Variants in MAP4 observed in about 807,000 individuals in gnomAD.
The protein encoded by MAP4 is microtubule associated protein 4, also known as microtubule-associated protein 4.
A neutral mutation model predicts 170.2 loss-of-function variants in MAP4; 76 were observed. The ratio of observed to expected loss-of-function variants is 0.45; its 90% CI spans 0.37 to 0.54. The LOEUF is 0.54. MAP4 is among the 20% of genes least tolerant of loss of function. The probability of loss-of-function intolerance (pLI) is 0.00; values close to 1 mark genes in which losing one functional copy is unlikely to be tolerated. For missense variants in MAP4, 2,506 were observed against 2,748.0 expected, an observed-to-expected ratio of 0.91 and a Z score of 1.97; for synonymous variants, 909 against 994.5, an observed-to-expected ratio of 0.91 and a Z score of 1.62.
Position 47,916,117 on chromosome 3 carries a change from C to T in MAP4, c.1710G>A (p.Val570=). ...GTGGTGGAACATCTTTGGCTGGAGT[C>T]ACATTGTTGGCCAGGGTCAGAACCC... ...KDGVLTLANN[V]TPAKDVPPLS... The change falls in exon 7 of 21, where the codon GTG becomes GTA. Residue 570 remains valine, a synonymous_variant. Transcript: ENST00000683076. 1 of 1,614,164 alleles carries T rather than the reference C, an allele frequency of 6.2e-7. No individual in the cohort carries two copies. The highest frequency in any genetic ancestry group is 8.5e-7 in the Non-Finnish European group (1 of 1,180,036).
intron 1 of MAP4, among the ~76,000 whole-genome samples, chr3:48,035,944 T>C (rs1433520897): frequency 6.6e-6 from 1 of 151,464 alleles, no homozygotes; most frequent in African/African-American, 2.4e-5. Flanking sequence ...CATCCCCCCC[T>C]CTCAAAAAAA....
intron 1 of MAP4, among the ~76,000 whole-genome samples, chr3:48,010,299 A>G (rs2100104566): frequency 6.6e-6 from 1 of 152,332 alleles, no homozygotes. Context: ...CAGCTGCAGA[A>G]ATGAGGACTG....
chr3:47,974,664 T>A, intron 3 of MAP4: 1 of 949,852 alleles, frequency 1.1e-6, no homozygotes, highest in South Asian at 4.9e-5. Context: ...ACAGTACTAA[T>A]CTCAACTGGT....
intron 10 of MAP4, among the ~76,000 whole-genome samples, chr3:47,888,465 C>T (rs777017): frequency 0.25 from 37,731 of 151,774 alleles, 5,159 homozygotes; most frequent in South Asian, 0.33. Flanking sequence ...ACGAACAACT[C>T]CAGACGCGCT....
At chr3:48,053,902 G>A (rs985008577) in intron 1 of MAP4, among the ~76,000 whole-genome samples, 1 of 152,156 alleles carries the variant, frequency 6.6e-6, no homozygotes, top group Non-Finnish European at 1.5e-5. Context: ...CACAGGAAAT[G>A]TCTAGAAGAA....
At chr3:47,937,615 C>A (rs542393403) in intron 3 of MAP4, among the ~76,000 whole-genome samples, 1 of 151,052 alleles carries the variant, frequency 6.6e-6, no homozygotes, top group South Asian at 2.1e-4. Context: ...AATCTCAGAA[C>A]CTTTGGCTAC....
intron 10 of MAP4, among the ~76,000 whole-genome samples, chr3:47,883,752 C>G (rs2097158108): frequency 6.6e-6 from 1 of 151,914 alleles, no homozygotes; most frequent in African/African-American, 2.4e-5. Flanking sequence ...GTTGACAGTT[C>G]TTTTCTTTTG....
intron 17 of MAP4, among the ~76,000 whole-genome samples, chr3:47,857,715 T>C (rs548921209): frequency 1.4e-5 from 2 of 147,122 alleles, no homozygotes; most frequent in African/African-American, 4.9e-5. Context: ...TTCACTTCCT[T>C]TTTTTTTTTT....
At chr3:47,893,046 C>A (rs1025358270) in intron 10 of MAP4, among the ~76,000 whole-genome samples, 5 of 148,502 alleles carry the variant, frequency 3.4e-5, no homozygotes, top group Non-Finnish European at 7.5e-5. Flanking sequence ...AAAAAAAAAC[C>A]ACACCTTAAC....
At position 47,851,507 on chromosome 3, in the gene MAP4, A is replaced by G. The variant is rs994069578; in HGVS notation, c.*1427T>C. On this transcript the variant is annotated 3_prime_UTR_variant, in exon 21 of 21. Coordinates refer to ENST00000683076, the MANE Select transcript of MAP4 (RefSeq NM_001385682.1). ...CAGAGGCAAATCTACACTGCAGCCA[A>G]TCCCCCTCCAGAGAAGCCCTTGGAA... is the stretch of plus-strand genomic sequence containing the variant. 2 of 152,372 alleles carry G rather than the reference A, an allele frequency of 1.3e-5. No individual in the cohort carries two copies. The highest frequency in any genetic ancestry group is 3.9e-4 in the East Asian group (2 of 5,190). 9.4% of individuals were successfully genotyped at this position (152,372 alleles called of 1,614,324 possible).
chr3:48,030,412 G>A (rs1406489044), intron 1 of MAP4, among the ~76,000 whole-genome samples: 1 of 151,406 alleles, frequency 6.6e-6, no homozygotes, highest in Non-Finnish European at 1.5e-5. Flanking sequence ...TTCTAGGACT[G>A]AGAACAAAAT....
chr3:48,002,059 A>T (rs1416694374), intron 1 of MAP4, among the ~76,000 whole-genome samples: 1 of 151,870 alleles, frequency 6.6e-6, no homozygotes, highest in Non-Finnish European at 1.5e-5. Flanking sequence ...TGTGACCCAG[A>T]TGTGGTGGCA....
intron 10 of MAP4, among the ~76,000 whole-genome samples, chr3:47,886,158 G>A (rs143269242): frequency 1.5e-3 from 236 of 152,274 alleles, no homozygotes; most frequent in Non-Finnish European, 2.6e-3. Flanking sequence ...TCATAAAGTC[G>A]CATTGTCTAT....
rs988749681 is a variant in MAP4 at position 47,901,075 on chromosome 3, G to C, written c.5434+1875C>G. 2.0e-5 allele frequency among the ~76,000 whole-genome samples: 3 copies of C among 152,096 alleles called. No individual in the cohort carries two copies. In the South Asian group the frequency reaches 6.2e-4, roughly 31 times the overall value. On this transcript the variant is annotated intron_variant, in intron 10 of 20. Coordinates refer to ENST00000683076, the MANE Select transcript of MAP4 (RefSeq NM_001385682.1). Reference sequence around the variant, plus strand: ...CATGCCTTTACACAGCTGTCCCCTAGAATTCTTTACCTTAATTTGCTCAGC... The same window carrying C: ...CATGCCTTTACACAGCTGTCCCCTACAATTCTTTACCTTAATTTGCTCAGC...
Position 47,853,184 on chromosome 3 carries a change from C to T in MAP4, c.6865G>A (p.Asp2289Asn). The change falls in exon 20 of 21, where the codon GAC (aspartate) becomes AAC (asparagine). Residue 2289 changes from aspartate (D) to asparagine (N), a missense_variant. Asp to Asn is a conservative substitution (Grantham distance 23, BLOSUM62 1). Transcript: ENST00000683076. ...TTACTTGTCTCCTGGATCTGGCTGT[C>T]CAAGGTCTGGGCCTCCCTTTGGTCA... ...GGDQREAQTL[D>N]SQIQETN is the part of the protein sequence containing the mutation. 6.3e-7 allele frequency: 1 copy of T among 1,587,764 alleles called. No homozygotes were observed. Among genetic ancestry groups the T allele is most frequent in the Admixed American group, 1.7e-5 (1 of 57,296 alleles).
At chr3:47,988,257 A>ATT (rs55794111) in intron 2 of MAP4, among the ~76,000 whole-genome samples, 4 of 149,888 alleles carry the variant, frequency 2.7e-5, no homozygotes, top group African/African-American at 9.8e-5. Context: ...TTCAGACAGG[A>ATT]TTTTTTTTTT....
chr3:47,922,147 C>T (rs1259749198), intron 4 of MAP4, among the ~76,000 whole-genome samples: 2 of 151,924 alleles, frequency 1.3e-5, no homozygotes, highest in Non-Finnish European at 2.9e-5. Context: ...CAAGGTTTCT[C>T]CACGTTGGCC....
chr3:47,887,072 G>A (rs1469507166), intron 10 of MAP4, among the ~76,000 whole-genome samples: 1 of 152,326 alleles, frequency 6.6e-6, no homozygotes, highest in African/African-American at 2.4e-5. Flanking sequence ...GCTTGCTCTC[G>A]GCGCCTCCTC....
chr3:48,088,837 G>A (rs1176949201), exon 1 of MAP4: 1 of 152,648 alleles, frequency 6.6e-6, no homozygotes, highest in South Asian at 2.1e-4. Flanking sequence ...GAGCCGTGAG[G>A]AGGTAGGAGA....
Sources: gnomAD v4.1 joint callset for allele counts (sites outside exome capture counted in the v4.1 genomes callset) on GRCh38, gnomAD v4.1.1 for gene constraint, MANE v1.5 for transcripts, NCBI Gene and HGNC (gene_info 2026-07-23, HGNC 2026-07-21) for gene names.